STOML1: variants seen among roughly 807,000 people sequenced by gnomAD.
STOML1 encodes the protein stomatin-like protein 1.
In STOML1, 27 loss-of-function variants were observed where a neutral mutation model predicts 35.7. The ratio of observed to expected loss-of-function variants is 0.76; its 90% confidence interval spans 0.56 to 1.04. The LOEUF is 1.04. Ranked by LOEUF, STOML1 falls within the 50% of genes least tolerant of loss-of-function variation. STOML1 has a pLI of 0.00. For missense variants in STOML1, 451 were observed against 527.1 expected (o/e 0.86, Z 1.41); for synonymous variants, 219 against 227.9 (o/e 0.96, Z 0.35).
intron 1 of STOML1, 27 bp downstream of exon 1, chr15:73,992,064 G>C (rs778158442): frequency 5.2e-6 from 8 of 1,548,232 alleles, no homozygotes; most frequent in Admixed American, 4.2e-5. Context: ...GTCCCCCCCG[G>C]CTCCGCCGTG....
At chr15:73,990,057 G>T (rs2069220612) in intron 2 of STOML1, 2 of 300,544 alleles carry the variant, frequency 6.7e-6, no homozygotes, top group African/African-American at 2.2e-5. Context: ...AACCCAAAGA[G>T]AAGATAATTT....
At position 73,984,125 on chromosome 15, in the gene STOML1, C is replaced by T. The variant is rs1195134873; in HGVS notation, c.1009G>A (p.Gly337Arg). ...AYFLDLTTGRGRVGHGVPDGI... is the reference protein window; with the variant it reads ...AYFLDLTTGRRRVGHGVPDGI... The stretch of plus-strand genomic sequence containing the variant: ...TCAGGCACCCCGTGTCCCACTCTTC[C>T]TCGTCCTGTGGGGCAAAAGAAAACC... The change falls in exon 7 of 7, where the codon GGA becomes AGA. Residue 337 changes from glycine (G) to arginine (R), a missense_variant. Physicochemically the swap from Gly to Arg is moderately radical, Grantham distance 125. Transcript: ENST00000541638. 1 of 1,610,622 alleles carries T rather than the reference C, an allele frequency of 6.2e-7. No homozygotes were observed. Among genetic ancestry groups the T allele is most frequent in the Non-Finnish European group, 8.5e-7 (1 of 1,177,456 alleles).
At chr15:73,993,634 G>A (rs2069351148), upstream of STOML1, among the ~76,000 whole-genome samples, 1 of 152,276 alleles carries the variant, frequency 6.6e-6, no homozygotes, top group Non-Finnish European at 1.5e-5. Context: ...CAAGAGCCAG[G>A]CCCTATCATC....
intron 1 of STOML1, among the ~76,000 whole-genome samples, chr15:73,991,382 C>T (rs1300869115): frequency 6.6e-6 from 1 of 152,262 alleles, no homozygotes; most frequent in African/African-American, 2.4e-5. Context: ...TTCCAGGAAG[C>T]CCTGCCCTCT....
In STOML1 at chr15:73,979,672, G is replaced by T. The variant is rs1322846318; in HGVS notation, c.*4265C>A. On this transcript the variant is annotated 3_prime_UTR_variant, in exon 7 of 7. Coordinates refer to ENST00000541638, the MANE Select transcript of STOML1 (RefSeq NM_004809.5). The stretch of plus-strand genomic sequence containing the variant: ...AATACATTTTAAAAGGGTGTTTGTT[G>T]TATGTAAATTACACCTTTAAAAAAT... 1 of 152,172 alleles carries T rather than the reference G, an allele frequency of 6.6e-6. No individual in the cohort carries two copies. The highest frequency in any genetic ancestry group is 1.5e-5 in the Non-Finnish European group (1 of 68,038). 9.4% of individuals were successfully genotyped at this position (152,172 alleles called of 1,614,324 possible).
At position 73,989,000 on chromosome 15, in the gene STOML1, TC is replaced by T; in HGVS notation, c.390+107del. On this transcript the variant is annotated intron_variant, in intron 3 of 6. Transcript: ENST00000541638. The surrounding 1 kb of genome is among the most constrained non-coding windows in gnomAD (Gnocchi z 4.8). ...TTCCATCAATTTTCTGGTCTCTTCT[TC>T]CCCCTTCCCCCCTCAGATGGTGACT... 6.7e-7 allele frequency: 1 copy of T among 1,496,880 alleles called. No individual in the cohort carries two copies. The highest frequency in any genetic ancestry group is 8.9e-7 in the Non-Finnish European group (1 of 1,119,122). The allele number at this position is 1,496,880 out of a possible 1,614,324, so 92.7% of individuals were successfully genotyped here.
Position 73,984,681 on chromosome 15 carries a change from G to C in STOML1, c.981C>G (p.Ala327=), listed in dbSNP as rs752667983. ...NVVLPSGTQS[A]YFLDLTTGRG... ...CACCTGTAGTGAGGTCCAGGAAGTA[G>C]GCGCTTTGGGTGCCGCTGGGCAGGA... The change falls in exon 6 of 7, where the codon GCC becomes GCG. Residue 327 remains alanine, a synonymous_variant. Transcript: ENST00000541638. 9 of 1,614,048 alleles carry C rather than the reference G, an allele frequency of 5.6e-6. No individual in the cohort carries two copies. The South Asian group carries it at 9.9e-5, about 18-fold the overall frequency.
rs1026274694 is a variant in STOML1, at chr15:73,980,477, G to A, written c.*3460C>T. On this transcript the variant is annotated 3_prime_UTR_variant, in exon 7 of 7. Transcript: ENST00000541638. ...GAAAGCACAGGGAAAGGCTGTCTGT[G>A]GTAACATGGAAAGATCCTCAGTGGG... is the stretch of plus-strand genomic sequence containing the variant. 1 of 152,262 alleles carries A rather than the reference G, an allele frequency of 6.6e-6. No homozygotes were observed. The highest frequency in any genetic ancestry group is 1.9e-4 in the East Asian group (1 of 5,188). 9.4% of individuals were successfully genotyped at this position (152,262 alleles called of 1,614,324 possible). A position where few individuals can be genotyped will look rare whatever the true frequency, so the allele number is the denominator to read the frequency against.
chr15:73,987,141 G>C (rs995441892), intron 4 of STOML1: 7 of 153,812 alleles, frequency 4.6e-5, no homozygotes, highest in African/African-American at 1.7e-4. Flanking sequence ...GAGCAGTGGT[G>C]GGGCTGGAGG....
chr15:73,984,282 G>A (rs1446043400), intron 6 of STOML1, 152 bp from the exon 7 acceptor site: 16 of 789,084 alleles, frequency 2.0e-5, no homozygotes, highest in Non-Finnish European at 2.6e-5. Flanking sequence ...CTTATTGGCT[G>A]TGTGAACTCT....
At chr15:73,985,036 G>C (rs1227383304) in intron 5 of STOML1, among the ~76,000 whole-genome samples, 165 bp from the exon 6 acceptor site, 1 of 152,212 alleles carries the variant, frequency 6.6e-6, no homozygotes, top group African/African-American at 2.4e-5. Context: ...GTGCCCCTGA[G>C]TTTTCAGCCT....
chr15:73,992,808 G>C (rs1056780889), upstream of STOML1, among the ~76,000 whole-genome samples: 1 of 152,182 alleles, frequency 6.6e-6, no homozygotes, highest in Non-Finnish European at 1.5e-5. Context: ...GATCTCATCA[G>C]GGTTTACAGG....
rs756739561 is a variant in STOML1, at chr15:73,984,069, G to A, written c.1065C>T (p.Ala355=). Residue 355 remains alanine, a synonymous_variant, in exon 7 of 7, where the codon GCC becomes GCT. Coordinates refer to ENST00000541638, the MANE Select transcript of STOML1 (RefSeq NM_004809.5). ...DGIPDVVVEM[A]EADLRALLCR... ...ATAGCAGGGCCCGCAGGTCTGCCTC[G>A]GCCATCTCCACCACCACATCAGGGA... is the stretch of plus-strand genomic sequence containing the variant. The A allele has an allele frequency of 1.2e-5, 20 of 1,613,888 alleles. No homozygotes were observed. The highest frequency in any genetic ancestry group is 4.5e-5 in the East Asian group (2 of 44,906).
intron 4 of STOML1, chr15:73,987,081 A>G (rs1308676703): frequency 1.3e-5 from 2 of 153,072 alleles, no homozygotes; most frequent in East Asian, 1.9e-4. Flanking sequence ...TGCTCATCCT[A>G]GAGTTTTTCT....
At position 73,984,887 on chromosome 15, in the gene STOML1, AG is replaced by A; in HGVS notation, c.791-17del. Reference sequence around the variant, plus strand: ...ACGGTGTCTGCTGGGGGTGGCCAACAGGGTTGGGGAAGGAGGCAGAGAGGAG... The same window carrying A: ...ACGGTGTCTGCTGGGGGTGGCCAACAGGTTGGGGAAGGAGGCAGAGAGGAG... On this transcript the variant is annotated splice_polypyrimidine_tract_variant and intron_variant, in intron 5 of 6. Coordinates refer to ENST00000541638, the MANE Select transcript of STOML1 (RefSeq NM_004809.5). The A allele has an allele frequency of 6.2e-7, 1 of 1,613,404 alleles. No homozygotes were observed. Among genetic ancestry groups the A allele is most frequent in the Non-Finnish European group, 8.5e-7 (1 of 1,179,918 alleles).
At position 73,984,817 on chromosome 15, in the gene STOML1, G is replaced by A. The variant is rs769177430; in HGVS notation, c.845C>T (p.Ala282Val). 1.2e-6 allele frequency: 2 copies of A among 1,614,126 alleles called. No homozygotes were observed. The highest frequency in any genetic ancestry group is 1.7e-6 in the Non-Finnish European group (2 of 1,180,034). ...CAGAGGCTGCTTCGGACTGGACCTG[G>A]CACCAACTTGAGGGGCAGGTGGCTC... The part of the protein sequence containing the change: ...EVEPPAPQVG[A>V]RSSPKQPLAE... Residue 282 changes from alanine to valine, a missense_variant, in exon 6 of 7, where the codon GCC (alanine) becomes GTC (valine). Transcript: ENST00000541638.
rs1360416195 is a variant in STOML1 at position 73,983,576 on chromosome 15, C to A, written c.*361G>T. 2.0e-5 allele frequency: 4 copies of A among 198,370 alleles called. No homozygotes were observed. The highest frequency in any genetic ancestry group is 4.1e-5 in the Non-Finnish European group (4 of 98,346). The allele number at this position is 198,370 out of a possible 1,614,324, so 12.3% of individuals were successfully genotyped here. On this transcript the variant is annotated 3_prime_UTR_variant, in exon 7 of 7. Transcript: ENST00000541638. ...TGGGCCACATGCTTGGTCCCTCACA[C>A]AAGGACCAAACCAGCTGCTGTCAGG...
chr15:73,992,915 G>C (rs181066011), upstream of STOML1, among the ~76,000 whole-genome samples: 3 of 152,278 alleles, frequency 2.0e-5, no homozygotes, highest in African/African-American at 7.2e-5. Flanking sequence ...CTGGACTTTG[G>C]GTTTCTCTGG....
At chr15:73,991,057 C>T in intron 1 of STOML1, 1 of 1,327,972 alleles carries the variant, frequency 7.5e-7, no homozygotes, top group East Asian at 2.9e-5. Flanking sequence ...TTAAAAAATG[C>T]CTATTTCACG....
Sources: gnomAD v4.1 joint callset for allele counts (sites outside exome capture counted in the v4.1 genomes callset) on GRCh38, gnomAD v4.1.1 for gene constraint, Gnocchi (gnomAD v3.1) non-coding constraint, MANE v1.5 for transcripts, NCBI Gene and HGNC (gene_info 2026-07-23, HGNC 2026-07-21) for gene names.